Variants in PRKCB observed in about 807,000 individuals in gnomAD.
PRKCB encodes the protein protein kinase C beta type.
In PRKCB, 13 loss-of-function variants were observed where a neutral mutation model predicts 81.5. The ratio of observed to expected loss-of-function variants is 0.16; its 90% CI spans 0.10 to 0.25. PRKCB has a LOEUF of 0.25. PRKCB is among the 10% of genes least tolerant of loss of function. PRKCB has a pLI of 1.00. For missense variants in PRKCB, 509 were observed against 875.7 expected, an observed-to-expected ratio of 0.58 and a Z score of 5.29; for synonymous variants, 335 against 321.4, an observed-to-expected ratio of 1.04 and a Z score of -0.45.
chr16:24,209,473 G>A (rs117580496), intron 16 of PRKCB, among the ~76,000 whole-genome samples: 56 of 152,190 alleles, frequency 3.7e-4, no homozygotes, highest in Non-Finnish European at 7.1e-4. Flanking sequence ...TTATCAAAAA[G>A]GAAAGCAAAT....
chr16:23,971,937 A>G (rs1299493338), intron 2 of PRKCB, among the ~76,000 whole-genome samples: 2 of 152,212 alleles, frequency 1.3e-5, no homozygotes, highest in East Asian at 3.8e-4. Context: ...ATTAAATTGT[A>G]TGCCCACACA....
chr16:23,840,789 T>G (rs527416093), intron 2 of PRKCB, among the ~76,000 whole-genome samples: 2 of 152,222 alleles, frequency 1.3e-5, no homozygotes, highest in African/African-American at 4.8e-5. Flanking sequence ...CCTTGGGAAA[T>G]TATGGATTTC....
chr16:24,200,852 G>C lies in PRKCB; in HGVS notation c.1863+9622G>C, dbSNP rs373181163. On this transcript the variant is annotated intron_variant, in intron 16 of 16. Transcript: ENST00000643927. ...ATTCAGTTTCTAACACATGAACTTT[G>C]GCGGGGCAAGTCAACCATAGAACCT... is the stretch of plus-strand genomic sequence containing the variant. 2.0e-5 allele frequency among the ~76,000 whole-genome samples: 3 copies of C among 152,158 alleles called. No individual in the cohort carries two copies. The East Asian group carries it at 5.8e-4, about 29-fold the overall frequency.
At chr16:23,875,612 A>G (rs1177862105) in intron 2 of PRKCB, among the ~76,000 whole-genome samples, 5 of 33,550 alleles carry the variant, frequency 1.5e-4, no homozygotes, top group African/African-American at 5.1e-4. Flanking sequence ...TATGTATATC[A>G]CACACATATA....
At chr16:23,867,009 C>A (rs1962808035) in intron 2 of PRKCB, among the ~76,000 whole-genome samples, 1 of 76,902 alleles carries the variant, frequency 1.3e-5, no homozygotes, top group African/African-American at 5.4e-5. Flanking sequence ...TCCTTCCTTC[C>A]TTCCTTCCTT....
At chr16:24,035,280 T>G (rs1021732964) in intron 4 of PRKCB, 139 bp from the exon 5 acceptor site, 41 of 1,080,846 alleles carry the variant, frequency 3.8e-5, no homozygotes, top group Non-Finnish European at 4.8e-5. Context: ...GCAGGCAAGT[T>G]GGTCTCAGCC....
intron 2 of PRKCB, among the ~76,000 whole-genome samples, chr16:23,846,816 T>C (rs1962377352): frequency 6.6e-6 from 1 of 152,040 alleles, no homozygotes; most frequent in Non-Finnish European, 1.5e-5. Context: ...TGCTCAGTGT[T>C]CCTGAAGGTT....
chr16:23,864,712 G>C (rs1411657446), intron 2 of PRKCB, among the ~76,000 whole-genome samples: 1 of 151,264 alleles, frequency 6.6e-6, no homozygotes, highest in African/African-American at 2.4e-5. Flanking sequence ...CACGACCAGG[G>C]CCTCTGAGAT....
At chr16:23,836,953 A>G (rs1962172803) in intron 1 of PRKCB, among the ~76,000 whole-genome samples, 1 of 150,774 alleles carries the variant, frequency 6.6e-6, no homozygotes, top group South Asian at 2.1e-4. Context: ...CAGTCCCTCC[A>G]GTAGTGGGGC....
chr16:24,096,277 A>C, intron 7 of PRKCB, among the ~76,000 whole-genome samples: 1 of 152,280 alleles, frequency 6.6e-6, no homozygotes, highest in Middle Eastern at 3.4e-3. Flanking sequence ...AAATGAAATA[A>C]AATAAAATAA....
At chr16:24,079,883 A>C (rs1966227512) in intron 5 of PRKCB, among the ~76,000 whole-genome samples, 2 of 152,230 alleles carry the variant, frequency 1.3e-5, no homozygotes, top group African/African-American at 4.8e-5. Flanking sequence ...TTATTACGTC[A>C]AGAAAAGCAT....
At chr16:24,214,361 G>A (rs994033655) in intron 16 of PRKCB, among the ~76,000 whole-genome samples, 1 of 152,010 alleles carries the variant, frequency 6.6e-6, no homozygotes, top group African/African-American at 2.4e-5. Flanking sequence ...CATGCCTCTG[G>A]CCCCACCATC....
chr16:24,035,681 T>C, intron 5 of PRKCB, 134 bp downstream of exon 5: 1 of 1,045,132 alleles, frequency 9.6e-7, no homozygotes, highest in Non-Finnish European at 1.4e-6. Context: ...GGTGTGGCAC[T>C]GCTTCTGCCC....
Position 24,094,291 on chromosome 16 carries a change from A to T in PRKCB, c.815A>T (p.Asp272Val), listed in dbSNP as rs1966412247. The change falls in exon 7 of 17, where the codon GAT becomes GTT. Residue 272 changes from aspartate (D) to valine (V), a missense_variant. By Grantham distance (152) the Asp-to-Val change is radical. Transcript: ENST00000643927. Reference protein sequence around the residue: ...GISELQKASVDGWFKLLSQEE... With the variant: ...GISELQKASVVGWFKLLSQEE... The stretch of plus-strand genomic sequence containing the variant: ...TCTGAACTTCAGAAAGCCAGTGTTG[A>T]TGGCTGGTAAGTAAGATTTTGCCTT... The T allele has an allele frequency of 1.2e-6, 2 of 1,613,874 alleles. No individual in the cohort carries two copies. The highest frequency in any genetic ancestry group is 1.3e-5 in the African/African-American group (1 of 74,898).
At chr16:24,179,152 A>G (rs78450728) in intron 12 of PRKCB, among the ~76,000 whole-genome samples, 1 of 152,248 alleles carries the variant, frequency 6.6e-6, no homozygotes, top group Non-Finnish European at 1.5e-5. Flanking sequence ...AATACTTAAC[A>G]GCTTTGATTG....
intron 2 of PRKCB, among the ~76,000 whole-genome samples, chr16:23,928,966 C>G (rs1963934907): frequency 6.6e-6 from 1 of 152,062 alleles, no homozygotes; most frequent in Non-Finnish European, 1.5e-5. Flanking sequence ...ATCCGCCCGC[C>G]TCGGCATCCC....
At chr16:23,863,989 G>A (rs1962729591) in intron 2 of PRKCB, among the ~76,000 whole-genome samples, 1 of 152,088 alleles carries the variant, frequency 6.6e-6, no homozygotes, top group Admixed American at 6.6e-5. Flanking sequence ...TCAGTAATGG[G>A]TACAGAGTAA....
At chr16:24,012,570 CT>C (rs1268155670) in intron 3 of PRKCB, among the ~76,000 whole-genome samples, 1 of 152,252 alleles carries the variant, frequency 6.6e-6, no homozygotes, top group African/African-American at 2.4e-5. Flanking sequence ...ATGTCATCCT[CT>C]TTGTTGAAAA....
Position 24,219,703 on chromosome 16 carries a change from C to CAA in PRKCB, c.*4887_*4888insAA. 1 of 1,247,838 alleles carries CAA rather than the reference C, an allele frequency of 8.0e-7. No homozygotes were observed. Among genetic ancestry groups the CAA allele is most frequent in the South Asian group, 1.8e-5 (1 of 54,922 alleles). 77.3% of individuals were successfully genotyped at this position (1,247,838 alleles called of 1,614,324 possible). ...ACACACACACACACACACACACACA[C>CAA]CACTTTATGGCAATTCTTAACTGAC... On this transcript the variant is annotated 3_prime_UTR_variant, in exon 17 of 17. Transcript: ENST00000643927.
Sources: allele counts gnomAD v4.1 joint callset (sites outside exome capture counted in the v4.1 genomes callset), GRCh38; gene constraint gnomAD v4.1.1; transcripts MANE v1.5; gene names NCBI Gene and HGNC (gene_info 2026-07-23, HGNC 2026-07-21).